HCLS1: variants seen among roughly 807,000 people sequenced by gnomAD.
HCLS1 encodes the protein hematopoietic lineage cell-specific protein.
In HCLS1, 44 loss-of-function variants were observed where a neutral mutation model predicts 68.6. The ratio of observed to expected loss-of-function variants is 0.64; its 90% CI spans 0.50 to 0.82. The LOEUF is 0.82. Among genes scored for constraint, HCLS1 ranks in the 40% least tolerant of loss-of-function variants. HCLS1 has a pLI of 0.00. For missense variants in HCLS1, 602 were observed against 612.1 expected (o/e 0.98, Z 0.17); for synonymous variants, 217 against 225.8 (o/e 0.96, Z 0.35).
chr3:121,641,310 G>C (rs1473138266), intron 6 of HCLS1, among the ~76,000 whole-genome samples: 5 of 152,236 alleles, frequency 3.3e-5, no homozygotes, highest in South Asian at 4.1e-4. Flanking sequence ...GTGATGAAGG[G>C]AAAATAAAAA....
chr3:121,645,166 G>A (rs2049235155), intron 4 of HCLS1, among the ~76,000 whole-genome samples: 1 of 152,104 alleles, frequency 6.6e-6, no homozygotes, highest in Non-Finnish European at 1.5e-5. Context: ...CACTCCCATA[G>A]GATGGGCTGG....
chr3:121,633,030 T>C, intron 11 of HCLS1, 37 bp downstream of exon 11: 1 of 1,386,640 alleles, frequency 7.2e-7, no homozygotes, highest in Non-Finnish European at 1.0e-6. Context: ...CTCGAGAAGA[T>C]GGGGTGGGGG....
At chr3:121,637,700 C>T (rs755455142) in intron 6 of HCLS1, among the ~76,000 whole-genome samples, 3 of 152,062 alleles carry the variant, frequency 2.0e-5, no homozygotes, top group African/African-American at 7.2e-5. Context: ...CTTCAGGGGC[C>T]GAGGCAGGTG....
chr3:121,631,659 G>C lies in HCLS1; in HGVS notation c.*187C>G, dbSNP rs1251634943. ...TGTTCATGAGCTCATCCAGGATAGA[G>C]AGGACTCTTGGGGAAGGGGACCTCC... On this transcript the variant is annotated 3_prime_UTR_variant, in exon 14 of 14. Transcript: ENST00000314583. 1 of 603,830 alleles carries C rather than the reference G, an allele frequency of 1.7e-6. No homozygotes were observed. The highest frequency in any genetic ancestry group is 1.9e-5 in the African/African-American group (1 of 53,820). 37.4% of individuals were successfully genotyped at this position (603,830 alleles called of 1,614,324 possible). A position where few individuals can be genotyped will look rare whatever the true frequency, so the allele number is the denominator to read the frequency against.
intron 5 of HCLS1, chr3:121,644,280 G>A (rs868408945): frequency 4.5e-6 from 1 of 222,256 alleles, no homozygotes; most frequent in African/African-American, 2.3e-5. Context: ...TAATCATACG[G>A]TACTTTTTTT....
intron 3 of HCLS1, among the ~76,000 whole-genome samples, chr3:121,652,200 G>A (rs1442735330): frequency 6.6e-6 from 1 of 152,184 alleles, no homozygotes; most frequent in African/African-American, 2.4e-5. Flanking sequence ...AATCTATAGT[G>A]ACAAAAAGAT....
chr3:121,637,327 A>C lies in HCLS1; in HGVS notation c.455-71T>G, dbSNP rs997863448. ...CACACAGGGAAGCGCTGGAGAAGAG[A>C]GGTCAGCAGGAATGGGTACAGAGTG... On this transcript the variant is annotated intron_variant, in intron 6 of 13. Coordinates refer to ENST00000314583, the MANE Select transcript of HCLS1 (RefSeq NM_005335.6). 4.7e-5 allele frequency: 47 copies of C among 991,772 alleles called. No homozygotes were observed. The African/African-American group carries it at 7.3e-4, about 15-fold the overall frequency. 61.4% of individuals were successfully genotyped at this position (991,772 alleles called of 1,614,324 possible).
chr3:121,637,324 G>C (rs982591159), intron 6 of HCLS1, 68 bp from the exon 7 acceptor site: 1 of 1,035,690 alleles, frequency 9.7e-7, no homozygotes, highest in Non-Finnish European at 1.5e-6. Context: ...CGCTGGAGAA[G>C]AGAGGTCAGC....
At position 121,635,237 on chromosome 3, in the gene HCLS1, TTCTCTCTCTC is replaced by T. The variant is rs201290743; in HGVS notation, c.691+488_691+497del. Among the ~76,000 whole-genome samples the T allele has an allele frequency of 2.5e-3, 281 of 114,448 alleles. 2 individuals carry two copies. The highest frequency in any genetic ancestry group is 8.2e-3 in the East Asian group (35 of 4,272). The allele number at this position is 114,448 out of a possible 152,430, so 75.1% of individuals were successfully genotyped here. ...TCTCTCTCTCTCTCTTCTCTCCCTT[TTCTCTCTCTC>T]TCTCTCTCTCTCTCTCTCTCTCTCT... On this transcript the variant is annotated intron_variant, in intron 9 of 13. Coordinates refer to ENST00000314583, the MANE Select transcript of HCLS1 (RefSeq NM_005335.6).
intron 4 of HCLS1, among the ~76,000 whole-genome samples, chr3:121,647,115 G>A (rs1300894228): frequency 6.6e-6 from 1 of 150,902 alleles, no homozygotes; most frequent in Non-Finnish European, 1.5e-5. Context: ...CTGAGTAGCT[G>A]GGACTACAGG....
intron 6 of HCLS1, among the ~76,000 whole-genome samples, chr3:121,642,195 C>T (rs547270865): frequency 2.7e-5 from 4 of 150,904 alleles, no homozygotes. Context: ...CACGGTGGCT[C>T]ACACCTATAA....
At chr3:121,659,250 G>A (rs1937939840) in intron 1 of HCLS1, among the ~76,000 whole-genome samples, 1 of 152,150 alleles carries the variant, frequency 6.6e-6, no homozygotes, top group African/African-American at 2.4e-5. Context: ...ACGGCCTTCC[G>A]GACTGTGCAG....
At chr3:121,640,896 G>C (rs1455382632) in intron 6 of HCLS1, among the ~76,000 whole-genome samples, 1 of 150,328 alleles carries the variant, frequency 6.7e-6, no homozygotes, top group Non-Finnish European at 1.5e-5. Context: ...GAAGGGAAGG[G>C]AAGATATTTG....
rs1328056035 is a variant in HCLS1, at chr3:121,634,326, C to T, written c.784G>A (p.Ala262Thr). Reference protein sequence around the residue: ...REEEEKAQQVARRQQERKAVT... With the variant: ...REEEEKAQQVTRRQQERKAVT... ...GCCTTTCGCTCCTGTTGCCTCCTGG[C>T]CACCTGCTGTGCCTTCTCCTCTTCC... Residue 262 changes from alanine to threonine, a missense_variant, in exon 10 of 14, where the codon GCC (alanine) becomes ACC (threonine). Coordinates refer to ENST00000314583, the MANE Select transcript of HCLS1 (RefSeq NM_005335.6). 5 of 1,614,172 alleles carry T rather than the reference C, an allele frequency of 3.1e-6. No homozygotes were observed. Among genetic ancestry groups the T allele is most frequent in the Non-Finnish European group, 4.2e-6 (5 of 1,180,024 alleles).
intron 3 of HCLS1, among the ~76,000 whole-genome samples, chr3:121,650,534 C>T (rs1465631837): frequency 3.3e-5 from 5 of 151,880 alleles, no homozygotes; most frequent in Non-Finnish European, 5.9e-5. Context: ...GTCAAAGATG[C>T]CAGGTAAGTC....
chr3:121,632,917 G>T, intron 11 of HCLS1, 150 bp downstream of exon 11: 1 of 617,004 alleles, frequency 1.6e-6, no homozygotes, highest in Non-Finnish European at 2.9e-6. Context: ...GTTTGCCCAG[G>T]ACAGAGGAGT....
chr3:121,652,849 T>A (rs1390897886), intron 3 of HCLS1, among the ~76,000 whole-genome samples: 1 of 152,180 alleles, frequency 6.6e-6, no homozygotes, highest in Non-Finnish European at 1.5e-5. Flanking sequence ...GCTTAGTTCA[T>A]GGGAATTTGC....
chr3:121,656,972 T>C (rs527265244), intron 3 of HCLS1: 10 of 265,268 alleles, frequency 3.8e-5, no homozygotes, highest in African/African-American at 2.2e-4. Flanking sequence ...CCTCTATGAA[T>C]CTCTCATGCC....
chr3:121,655,462 C>CTTTTTTTTTTT lies in HCLS1; in HGVS notation c.158+1806_158+1816dup, dbSNP rs1181452367. 63 of 50,102 alleles carry CTTTTTTTTTTT rather than the reference C, an allele frequency of 1.3e-3. 9 individuals are homozygous for CTTTTTTTTTTT. The highest frequency in any genetic ancestry group is 1.7e-3 in the Non-Finnish European group (44 of 26,524). The allele number at this position is 50,102 out of a possible 1,614,324, so 3.1% of individuals were successfully genotyped here. ...CATTTTTTTATGAGGGTTGCTTGCTCTTTTTTTTTTTTTTTTTTTTTTTTT... is the reference window on the plus strand; with the variant it reads ...CATTTTTTTATGAGGGTTGCTTGCTCTTTTTTTTTTTTTTTTTTTTTTTTTTTTTTTTTTTT... On this transcript the variant is annotated intron_variant, in intron 3 of 13. Coordinates refer to ENST00000314583, the MANE Select transcript of HCLS1 (RefSeq NM_005335.6).
Sources: gnomAD v4.1 joint callset for allele counts (sites outside exome capture counted in the v4.1 genomes callset) on GRCh38, gnomAD v4.1.1 for gene constraint, MANE v1.5 for transcripts, NCBI Gene and HGNC (gene_info 2026-07-23, HGNC 2026-07-21) for gene names.